Variants in CCM2 observed in about 807,000 individuals in gnomAD.
The protein encoded by CCM2 is CCM2 scaffold protein, also known as cerebral cavernous malformations 2 protein.
In CCM2, 25 loss-of-function variants were observed where a neutral mutation model predicts 44.9. The ratio of observed to expected loss-of-function variants is 0.56; its 90% CI spans 0.41 to 0.78. The LOEUF is 0.78. CCM2 is among the 30% of genes least tolerant of loss of function. The pLI, the probability that CCM2 is intolerant of heterozygous loss-of-function variation, is 0.00. For missense variants in CCM2, 481 were observed against 580.6 expected, an observed-to-expected ratio of 0.83 and a Z score of 1.76; for synonymous variants, 219 against 241.1, an observed-to-expected ratio of 0.91 and a Z score of 0.85.
intron 9 of CCM2, among the ~76,000 whole-genome samples, chr7:45,075,350 G>T (rs1311776919): frequency 6.6e-6 from 1 of 152,278 alleles, no homozygotes; most frequent in Non-Finnish European, 1.5e-5. Context: ...TTTGGCATGA[G>T]GCCTGCCTCT....
chr7:45,023,795 T>G (rs1221768446), intron 1 of CCM2, among the ~76,000 whole-genome samples: 3 of 129,038 alleles, frequency 2.3e-5, no homozygotes, highest in Admixed American at 1.6e-4. Flanking sequence ...CAGTTTTTTT[T>G]TTTTTTTTTT....
intron 2 of CCM2, among the ~76,000 whole-genome samples, chr7:45,061,946 A>G (rs943285041): frequency 6.6e-6 from 1 of 152,148 alleles, no homozygotes; most frequent in East Asian, 1.9e-4. Flanking sequence ...TTTGTCTCCT[A>G]CTGGTCCATG....
At chr7:45,066,644 C>A (rs1798788475) in intron 4 of CCM2, among the ~76,000 whole-genome samples, 1 of 152,190 alleles carries the variant, frequency 6.6e-6, no homozygotes, top group Non-Finnish European at 1.5e-5. Context: ...GTCCATGTGG[C>A]AGGAGCTGCT....
chr7:45,075,421 A>C (rs1799294385), intron 9 of CCM2, among the ~76,000 whole-genome samples: 2 of 152,244 alleles, frequency 1.3e-5, no homozygotes, highest in Non-Finnish European at 2.9e-5. Context: ...TCTGGGCCTC[A>C]GCTTTCCCCA....
chr7:45,027,326 C>T (rs1008462013), intron 1 of CCM2: 2 of 351,810 alleles, frequency 5.7e-6, no homozygotes, highest in Non-Finnish European at 1.1e-5. Context: ...ATGGTAGCCC[C>T]TCACAGTGCT....
intron 1 of CCM2, among the ~76,000 whole-genome samples, chr7:45,007,222 T>A (rs1223762565): frequency 6.6e-6 from 1 of 152,174 alleles, no homozygotes; most frequent in Non-Finnish European, 1.5e-5. Context: ...TATGGTGTTT[T>A]GGGAGCTGGC....
chr7:45,050,323 T>C (rs937764467), intron 2 of CCM2, among the ~76,000 whole-genome samples: 1 of 152,224 alleles, frequency 6.6e-6, no homozygotes. Flanking sequence ...TGAAATTGCC[T>C]AATGACATAT....
At chr7:45,007,346 A>C (rs1008589492) in intron 1 of CCM2, among the ~76,000 whole-genome samples, 18 of 152,180 alleles carry the variant, frequency 1.2e-4, no homozygotes, top group Admixed American at 9.8e-4. Flanking sequence ...CCTTGTGAAC[A>C]GTGGATCTTT....
chr7:45,001,871 T>C (rs1285886512), intron 1 of CCM2, among the ~76,000 whole-genome samples: 1 of 152,222 alleles, frequency 6.6e-6, no homozygotes, highest in Non-Finnish European at 1.5e-5. Context: ...ATAAACAGGT[T>C]AATTATTAAT....
intron 2 of CCM2, among the ~76,000 whole-genome samples, chr7:45,052,391 G>C (rs1481815083): frequency 6.6e-6 from 1 of 152,184 alleles, no homozygotes; most frequent in African/African-American, 2.4e-5. Flanking sequence ...AACCAGGCTT[G>C]GGGTTTTCTT....
chr7:45,027,614 G>T, intron 1 of CCM2: 1 of 1,611,492 alleles, frequency 6.2e-7, no homozygotes, highest in South Asian at 1.1e-5. Context: ...AGGAAGCTGT[G>T]GTTTCTGGTC....
At chr7:45,067,302 A>C (rs1798829863) in intron 4 of CCM2, among the ~76,000 whole-genome samples, 1 of 151,408 alleles carries the variant, frequency 6.6e-6, no homozygotes, top group South Asian at 2.1e-4. Context: ...CTGGGATTAC[A>C]GGCATGAGCC....
At chr7:45,014,622 C>CT (rs34116061) in intron 1 of CCM2, among the ~76,000 whole-genome samples, 58,637 of 124,022 alleles carry the variant, frequency 0.47, 15,372 homozygotes, top group East Asian at 0.67. Flanking sequence ...CAGTCTTAAC[C>CT]TTTTTTTTTT....
At chr7:45,010,350 C>T (rs1192861914) in intron 1 of CCM2, among the ~76,000 whole-genome samples, 1 of 152,176 alleles carries the variant, frequency 6.6e-6, no homozygotes, top group Non-Finnish European at 1.5e-5. Context: ...AAGTCCTTCC[C>T]CCAAGGTAGT....
intron 2 of CCM2, among the ~76,000 whole-genome samples, chr7:45,049,248 G>A (rs1797892431): frequency 6.6e-6 from 1 of 152,166 alleles, no homozygotes; most frequent in South Asian, 2.1e-4. Context: ...GAGCCACCAT[G>A]TCCGGCCTAT....
chr7:44,999,780 A>G (rs1795505605), upstream of CCM2: 1 of 450,994 alleles, frequency 2.2e-6, no homozygotes, highest in African/African-American at 2.0e-5. Context: ...AGATGGCGGC[A>G]AATTGAAAAA....
At chr7:45,027,875 G>T (rs1796764104) in intron 1 of CCM2, 1 of 1,435,442 alleles carries the variant, frequency 7.0e-7, no homozygotes. Context: ...TTTCATGGCT[G>T]CTTCCCAGGG....
intron 4 of CCM2, among the ~76,000 whole-genome samples, chr7:45,064,966 G>GGTGTGGTGGAGCCTAGAGAGA (rs1351893152): frequency 9.2e-5 from 14 of 152,112 alleles, no homozygotes; most frequent in African/African-American, 2.9e-4. Flanking sequence ...CCTCTGCCCA[G>GGTGTGGTGGAGCCTAGAGAGA]GTGTGGTGGA....
chr7:45,025,583 G>C (rs1796654818), intron 1 of CCM2, among the ~76,000 whole-genome samples: 1 of 148,534 alleles, frequency 6.7e-6, no homozygotes, highest in South Asian at 2.1e-4. Flanking sequence ...GCCCAGGCTG[G>C]AGTGCAATGG....
Sources: gnomAD v4.1 joint callset for allele counts (sites outside exome capture counted in the v4.1 genomes callset) on GRCh38, gnomAD v4.1.1 for gene constraint, MANE v1.5 for transcripts, NCBI Gene and HGNC (gene_info 2026-07-23, HGNC 2026-07-21) for gene names.